POLR3F: variants seen among roughly 807,000 people sequenced by gnomAD.
POLR3F encodes the protein RNA polymerase III subunit F.
In POLR3F, 31 loss-of-function variants were observed where a neutral mutation model predicts 43.6. That is an observed-to-expected ratio of 0.71 (90% CI 0.53 to 0.96). The LOEUF is 0.96. Ranked by LOEUF, POLR3F falls within the 40% of genes least tolerant of loss-of-function variation. The pLI, the probability that POLR3F is intolerant of heterozygous loss-of-function variation, is 0.00. For synonymous variants in POLR3F, 114 were observed against 132.5 expected (o/e 0.86, Z 0.96); for missense variants, 316 against 391.7 (o/e 0.81, Z 1.63).
chr20:18,475,370 C>T (rs1193890837), intron 5 of POLR3F, among the ~76,000 whole-genome samples, 183 bp downstream of exon 5: 3 of 152,144 alleles, frequency 2.0e-5, no homozygotes, highest in South Asian at 2.1e-4. Context: ...TCTCACTCAC[C>T]CACTCAAAAA....
At chr20:18,469,607 C>T (rs1486200641) in intron 2 of POLR3F, among the ~76,000 whole-genome samples, 1 of 152,124 alleles carries the variant, frequency 6.6e-6, no homozygotes, top group African/African-American at 2.4e-5. Context: ...CTCTGGAGAA[C>T]CCTAATACAG....
chr20:18,479,533 G>A (rs1340988735), intron 5 of POLR3F, among the ~76,000 whole-genome samples: 2 of 152,086 alleles, frequency 1.3e-5, no homozygotes, highest in African/African-American at 4.8e-5. Flanking sequence ...ACACACACAC[G>A]ATGGGAGCAT....
At chr20:18,477,167 G>A (rs2059784959) in intron 5 of POLR3F, among the ~76,000 whole-genome samples, 2 of 150,526 alleles carry the variant, frequency 1.3e-5, no homozygotes, top group Admixed American at 1.3e-4. Flanking sequence ...AAGACATACA[G>A]ATGGCAGATA....
chr20:18,469,442 C>G (rs1454180466), intron 2 of POLR3F: 1 of 166,718 alleles, frequency 6.0e-6, no homozygotes, highest in Admixed American at 6.0e-5. Context: ...ACACCATCAG[C>G]TCTCTGCTCT....
At chr20:18,478,718 G>A (rs2059793421) in intron 5 of POLR3F, among the ~76,000 whole-genome samples, 1 of 152,178 alleles carries the variant, frequency 6.6e-6, no homozygotes. Context: ...ATATATACAA[G>A]GGTTAATATG....
intron 8 of POLR3F, among the ~76,000 whole-genome samples, chr20:18,482,885 A>G (rs1311896671): frequency 1.3e-5 from 2 of 152,166 alleles, no homozygotes; most frequent in Admixed American, 6.5e-5. Context: ...ACATTTGGTT[A>G]ATCAAAATTA....
chr20:18,474,553 C>CT (rs1448334702), intron 4 of POLR3F, among the ~76,000 whole-genome samples: 2 of 151,726 alleles, frequency 1.3e-5, no homozygotes, highest in African/African-American at 4.8e-5. Flanking sequence ...GAGTCTTGCT[C>CT]TGTTGCCCAG....
At position 18,481,830 on chromosome 20, in the gene POLR3F, C is replaced by T. The variant is rs757577470; in HGVS notation, c.873+20C>T. ...TGCCCGGTGAGTTAAAGTGGCTTCA[C>T]TTTACACTTGACTGCCCACGGGTGC... is the stretch of plus-strand genomic sequence containing the variant. On this transcript the variant is annotated intron_variant, in intron 8 of 8. Coordinates refer to ENST00000377603, the MANE Select transcript of POLR3F (RefSeq NM_006466.4). The T allele has an allele frequency of 1.3e-6, 2 of 1,563,088 alleles. No individual in the cohort carries two copies. Among genetic ancestry groups the T allele is most frequent in the Non-Finnish European group, 1.8e-6 (2 of 1,137,558 alleles).
At chr20:18,483,052 T>C (rs900735655) in intron 8 of POLR3F, among the ~76,000 whole-genome samples, 4 of 151,946 alleles carry the variant, frequency 2.6e-5, no homozygotes, top group African/African-American at 4.8e-5. Flanking sequence ...GGCCCTATTA[T>C]AGTATGTTCT....
At chr20:18,481,327 C>T (rs1311313906) in intron 7 of POLR3F, among the ~76,000 whole-genome samples, 3 of 152,170 alleles carry the variant, frequency 2.0e-5, no homozygotes, top group African/African-American at 4.8e-5. Context: ...CTGCAACTTC[C>T]GTCTCCCGGG....
At chr20:18,477,118 C>G (rs898722099) in intron 5 of POLR3F, among the ~76,000 whole-genome samples, 1 of 150,052 alleles carries the variant, frequency 6.7e-6, no homozygotes, top group African/African-American at 2.4e-5. Context: ...AACAAATAAT[C>G]CAACTAAAAA....
In POLR3F at chr20:18,468,990, G is replaced by T. The variant is rs752159784; in HGVS notation, c.109G>T (p.Val37Leu). 1.2e-5 allele frequency: 19 copies of T among 1,595,834 alleles called. No individual in the cohort carries two copies. The highest frequency in any genetic ancestry group is 1.5e-5 in the Non-Finnish European group (18 of 1,163,356). Residue 37 changes from valine (V) to leucine (L), a missense_variant, in exon 2 of 9, where the codon GTA (valine) becomes TTA (leucine). Around this residue, in one of 3 missense-constraint regions of POLR3F, gnomAD observed 122 missense variants for 133.8 expected, o/e 0.91. Transcript: ENST00000377603. ...HQFPHGITDQ[V>L]IQNEMPHIEA... The stretch of plus-strand genomic sequence containing the variant: ...GTTCCCTCATGGAATCACAGACCAA[G>T]TAATTCAGAATGAAATGCCTCATAT...
chr20:18,483,254 G>A (rs915773642), intron 8 of POLR3F, among the ~76,000 whole-genome samples: 3 of 152,176 alleles, frequency 2.0e-5, no homozygotes, highest in Admixed American at 2.0e-4. Flanking sequence ...TAGTAGAGAC[G>A]GGGTTTCACC....
intron 5 of POLR3F, among the ~76,000 whole-genome samples, chr20:18,478,487 T>A (rs927699881): frequency 6.6e-6 from 1 of 152,150 alleles, no homozygotes; most frequent in Admixed American, 6.6e-5. Flanking sequence ...GTGCTGGGAT[T>A]ACAGGCATAA....
chr20:18,469,086 A>G (rs1462132708), intron 2 of POLR3F, 25 bp downstream of exon 2: 1 of 950,372 alleles, frequency 1.1e-6, no homozygotes, highest in Non-Finnish European at 1.7e-6. Context: ...ACTATTTTGC[A>G]TAATTACTGA....
chr20:18,483,485 T>C lies in POLR3F; in HGVS notation c.878T>C (p.Phe293Ser). ...VRAPCGLCPV[F>S]DDCHEGGEIS... ...ATTTTTTTTTCTTTTTTAAAGGTTT[T>C]TGATGACTGCCACGAAGGTGGTGAG... The change falls in exon 9 of 9, where the codon TTT (phenylalanine) becomes TCT (serine). Residue 293 changes from phenylalanine to serine, a missense_variant. Around this residue, in one of 3 missense-constraint regions of POLR3F, gnomAD observed 85 missense variants for 80.2 expected, o/e 1.06. Coordinates refer to ENST00000377603, the MANE Select transcript of POLR3F (RefSeq NM_006466.4). 6.7e-7 allele frequency: 1 copy of C among 1,492,282 alleles called. No individual in the cohort carries two copies. The highest frequency in any genetic ancestry group is 2.3e-5 in the East Asian group (1 of 44,036). The allele number at this position is 1,492,282 out of a possible 1,614,324, so 92.4% of individuals were successfully genotyped here.
intron 5 of POLR3F, among the ~76,000 whole-genome samples, chr20:18,478,144 G>A (rs1374802985): frequency 6.6e-6 from 1 of 152,140 alleles, no homozygotes; most frequent in African/African-American, 2.4e-5. Context: ...TGAATAACAA[G>A]GCCTATTGGG....
chr20:18,477,031 C>T (rs968624131), intron 5 of POLR3F, among the ~76,000 whole-genome samples: 2 of 151,042 alleles, frequency 1.3e-5, no homozygotes, highest in African/African-American at 4.9e-5. Context: ...CAAGATTGCA[C>T]CATTGTACTC....
chr20:18,481,600 T>G lies in POLR3F; in HGVS notation c.682-19T>G, dbSNP rs199507796. 1.9e-6 allele frequency: 3 copies of G among 1,540,586 alleles called. No homozygotes were observed. The African/African-American group carries it at 4.1e-5, about 21-fold the overall frequency. On this transcript the variant is annotated intron_variant, in intron 7 of 8. Transcript: ENST00000377603. Reference sequence around the variant, plus strand: ...CTCCCTATCCTACTTGTGTCCTTTCTGATGTATCCCTTTTTTAGGTAGAGT... The same window carrying G: ...CTCCCTATCCTACTTGTGTCCTTTCGGATGTATCCCTTTTTTAGGTAGAGT...
Sources: allele counts gnomAD v4.1 joint callset (sites outside exome capture counted in the v4.1 genomes callset), GRCh38; gene constraint gnomAD v4.1.1; regional missense constraint gnomAD v4.1.1; transcripts MANE v1.5; gene names NCBI Gene and HGNC (gene_info 2026-07-23, HGNC 2026-07-21).